The following CRY2 variants were observed in gnomAD, a reference collection of about 807,000 sequenced individuals.
CRY2 encodes the protein cryptochrome circadian regulator 2.
In CRY2, 31 loss-of-function variants were observed where a neutral mutation model predicts 69.5. That is an observed-to-expected ratio of 0.45 (90% CI 0.34 to 0.60). The LOEUF (loss-of-function observed/expected upper bound fraction) is 0.60. Among genes scored for constraint, CRY2 ranks in the 20% least tolerant of loss-of-function variants. The probability of loss-of-function intolerance (pLI) is 0.02; values close to 1 mark genes in which losing one functional copy is unlikely to be tolerated. For synonymous variants in CRY2, 303 were observed against 312.2 expected, an observed-to-expected ratio of 0.97 and a Z score of 0.31; for missense variants, 606 against 797.8, an observed-to-expected ratio of 0.76 and a Z score of 2.90.
At chr11:45,855,429 T>G (rs560123472) in intron 1 of CRY2, among the ~76,000 whole-genome samples, 2 of 152,338 alleles carry the variant, frequency 1.3e-5, no homozygotes, top group East Asian at 3.9e-4. Flanking sequence ...AGTCTGGTCC[T>G]CTGCTAAGAG....
intron 5 of CRY2, chr11:45,867,360 C>A: frequency 2.1e-6 from 1 of 485,360 alleles, no homozygotes; most frequent in East Asian, 3.2e-5. Context: ...TTAATAGATA[C>A]GTAGCTGAGG....
At chr11:45,852,261 G>A (rs1162040363) in intron 1 of CRY2, among the ~76,000 whole-genome samples, 1 of 152,232 alleles carries the variant, frequency 6.6e-6, no homozygotes, top group Non-Finnish European at 1.5e-5. Context: ...CAAGGGTGAA[G>A]TGCCAGCCCC....
intron 11 of CRY2, among the ~76,000 whole-genome samples, chr11:45,878,885 C>G (rs2086445724): frequency 7.4e-6 from 1 of 134,444 alleles, no homozygotes; most frequent in Admixed American, 8.2e-5. Flanking sequence ...CGCCACTGCA[C>G]TCTAGCCTGG....
chr11:45,856,981 CA>C (rs1436407948), intron 2 of CRY2, among the ~76,000 whole-genome samples: 1 of 152,168 alleles, frequency 6.6e-6, no homozygotes, highest in Non-Finnish European at 1.5e-5. Context: ...CACAGGAACT[CA>C]TGGACAGAGG....
chr11:45,852,378 C>T (rs1285574935), intron 1 of CRY2, among the ~76,000 whole-genome samples: 1 of 152,182 alleles, frequency 6.6e-6, no homozygotes, highest in African/African-American at 2.4e-5. Flanking sequence ...ACAGAAGGCC[C>T]AAGGTTCTCT....
chr11:45,855,904 A>C, intron 1 of CRY2, 78 bp from the exon 2 acceptor site: 1 of 1,268,462 alleles, frequency 7.9e-7, no homozygotes, highest in Non-Finnish European at 1.2e-6. Flanking sequence ...ACAGCGAACC[A>C]GTTTCTCCCT....
chr11:45,847,392 G>C, upstream of CRY2: 1 of 1,597,364 alleles, frequency 6.3e-7, no homozygotes. Flanking sequence ...GGGGACTAAG[G>C]GTGGAGTTGC....
In CRY2 at chr11:45,867,760, G is replaced by A; in HGVS notation, c.882+8G>A. 1 of 1,614,122 alleles carries A rather than the reference G, an allele frequency of 6.2e-7. No homozygotes were observed. Among genetic ancestry groups the A allele is most frequent in the South Asian group, 1.1e-5 (1 of 91,068 alleles). On this transcript the variant is annotated splice_region_variant and intron_variant, in intron 6 of 11. Coordinates refer to ENST00000616080, the MANE Select transcript of CRY2 (RefSeq NM_021117.5). Reference sequence around the variant, plus strand: ...TGGGACCTGTATAAAAAGGTAAGGGGGACATACCTGCCCACATTGCACCTA... The same window carrying A: ...TGGGACCTGTATAAAAAGGTAAGGGAGACATACCTGCCCACATTGCACCTA...
Position 45,882,716 on chromosome 11 carries a change from G to A in CRY2, c.*1805G>A, listed in dbSNP as rs918811824. On this transcript the variant is annotated 3_prime_UTR_variant, in exon 12 of 12. Coordinates refer to ENST00000616080, the MANE Select transcript of CRY2 (RefSeq NM_021117.5). ...GCCCCAGTCGAGAGGAAAGAGAATC[G>A]GGCCACTGCCAGAAAGAGAGTCAAG... is the stretch of plus-strand genomic sequence containing the variant. The A allele has an allele frequency of 2.0e-5, 8 of 398,762 alleles. No individual in the cohort carries two copies. Among genetic ancestry groups the A allele is most frequent in the East Asian group, 3.6e-5 (1 of 28,094 alleles). The allele number at this position is 398,762 out of a possible 1,614,324, so 24.7% of individuals were successfully genotyped here.
At position 45,858,762 on chromosome 11, in the gene CRY2, A is replaced by T. The variant is rs2134633922; in HGVS notation, c.356A>T (p.Tyr119Phe). 1 of 1,614,146 alleles carries T rather than the reference A, an allele frequency of 6.2e-7. No homozygotes were observed. The highest frequency in any genetic ancestry group is 1.3e-5 in the African/African-American group (1 of 75,038). ...EWGVTRLTFE[Y>F]DSEPFGKERD... is the part of the protein sequence containing the mutation. ...GGAGTGACCCGCTTGACCTTTGAAT[A>T]TGACTCTGAACCCTTTGGGAAAGAA... The change falls in exon 3 of 12, where the codon TAT (tyrosine) becomes TTT (phenylalanine). Residue 119 changes from tyrosine to phenylalanine, a missense_variant. Tyr to Phe is a conservative substitution (Grantham distance 22). This residue lies in a region of CRY2 where 382 missense variants were observed against 508.9 expected (regional missense o/e 0.75). Transcript: ENST00000616080.
chr11:45,871,671 T>C (rs2086384797), intron 10 of CRY2, among the ~76,000 whole-genome samples: 1 of 152,130 alleles, frequency 6.6e-6, no homozygotes, highest in African/African-American at 2.4e-5. Flanking sequence ...TAACATGAGA[T>C]GGGAAGAACA....
At chr11:45,854,351 C>G (rs2086222473) in intron 1 of CRY2, among the ~76,000 whole-genome samples, 2 of 152,152 alleles carry the variant, frequency 1.3e-5, no homozygotes, top group African/African-American at 4.8e-5. Context: ...AGAATCTCAG[C>G]CCCTGGAACA....
intron 11 of CRY2, among the ~76,000 whole-genome samples, chr11:45,872,586 C>CATAATAATA (rs542258455): frequency 6.6e-6 from 1 of 151,342 alleles, no homozygotes; most frequent in Admixed American, 6.6e-5. Flanking sequence ...TCTCTAAAAA[C>CATAATAATA]ATAATAATAA....
intron 10 of CRY2, among the ~76,000 whole-genome samples, chr11:45,871,631 G>A (rs565185822): frequency 2.6e-5 from 4 of 152,332 alleles, no homozygotes; most frequent in South Asian, 2.1e-4. Context: ...TGCATTCGGA[G>A]CCTCTTCCCT....
intron 6 of CRY2, 51 bp from the exon 7 acceptor site, chr11:45,869,455 T>G: frequency 1.3e-6 from 2 of 1,543,816 alleles, no homozygotes; most frequent in Non-Finnish European, 1.8e-6. Context: ...AGAGGCACCA[T>G]GCTAAGAGCT....
intron 6 of CRY2, among the ~76,000 whole-genome samples, chr11:45,869,126 G>A (rs966352036): frequency 6.6e-6 from 1 of 152,228 alleles, no homozygotes; most frequent in Non-Finnish European, 1.5e-5. Flanking sequence ...TCTAGACTGA[G>A]CATTTTTCAT....
intron 2 of CRY2, among the ~76,000 whole-genome samples, chr11:45,856,795 CAAA>C (rs558781174): frequency 1.2e-4 from 8 of 64,226 alleles, no homozygotes; most frequent in Admixed American, 1.8e-4. Context: ...GACTCCGTCT[CAAA>C]AAAAAAAAAA....
upstream of CRY2, chr11:45,847,333 G>A (rs1590758587): frequency 3.8e-6 from 6 of 1,591,270 alleles, no homozygotes; most frequent in Non-Finnish European, 5.1e-6. Flanking sequence ...CCAATCGCCA[G>A]GTGGAAGGCA....
rs1231684778 is a variant in CRY2, at chr11:45,880,926, T to TG, written c.*16dup. Reference sequence around the variant, plus strand: ...TTTTCTCTTCCAGCTGCAGAGCCCTTGCTCCGTGAGCAAAGCCTGGGTGCC... The same window carrying TG: ...TTTTCTCTTCCAGCTGCAGAGCCCTTGGCTCCGTGAGCAAAGCCTGGGTGCC... On this transcript the variant is annotated 3_prime_UTR_variant, in exon 12 of 12. Coordinates refer to ENST00000616080, the MANE Select transcript of CRY2 (RefSeq NM_021117.5). 1 of 152,304 alleles carries TG rather than the reference T, an allele frequency of 6.6e-6. No individual in the cohort carries two copies. Among genetic ancestry groups the TG allele is most frequent in the African/African-American group, 2.4e-5 (1 of 41,456 alleles). 9.4% of individuals were successfully genotyped at this position (152,304 alleles called of 1,614,324 possible). A position where few individuals can be genotyped will look rare whatever the true frequency, so the allele number is the denominator to read the frequency against.
Sources: gnomAD v4.1 joint callset for allele counts (sites outside exome capture counted in the v4.1 genomes callset) on GRCh38, gnomAD v4.1.1 for gene constraint, gnomAD v4.1.1 regional missense constraint, MANE v1.5 for transcripts, NCBI Gene and HGNC (gene_info 2026-07-23, HGNC 2026-07-21) for gene names.